Variants in GRID2 observed in about 807,000 individuals in gnomAD.
GRID2 encodes glutamate receptor ionotropic, delta-2.
Under a neutral mutation model 114.8 loss-of-function variants are expected in GRID2, and 33 were observed. That is an observed-to-expected ratio of 0.29 (90% CI 0.22 to 0.38). The LOEUF is 0.38. Among genes scored for constraint, GRID2 ranks in the 10% least tolerant of loss-of-function variants. The pLI is 1.00. For missense variants in GRID2, 1,184 were observed against 1,257.7 expected (o/e 0.94, Z 0.89); for synonymous variants, 505 against 449.9 (o/e 1.12, Z -1.55).
In GRID2 at chr4:92,854,553, ATGTGTG is replaced by A. The variant is rs3077718; in HGVS notation, c.245-230424_245-230419del. The stretch of plus-strand genomic sequence containing the variant: ...GTGATGTGTGTTTGTGTGAGTGAGG[ATGTGTG>A]TGTGTGTGTGTGTGTGTCTGTGTTT... On this transcript the variant is annotated intron_variant, in intron 2 of 15. Transcript: ENST00000282020. 6.1e-3 allele frequency among the ~76,000 whole-genome samples: 902 copies of A among 147,686 alleles called. 16 individuals carry two copies. The highest frequency in any genetic ancestry group is 0.021 in the African/African-American group (855 of 40,556).
intron 1 of GRID2, among the ~76,000 whole-genome samples, chr4:92,416,476 C>A (rs890478826): frequency 2.0e-5 from 3 of 152,076 alleles, no homozygotes; most frequent in African/African-American, 4.8e-5. Flanking sequence ...GAGCTCTTTG[C>A]CTAAGCCAAT....
At chr4:92,397,376 G>C (rs1270877440) in intron 1 of GRID2, among the ~76,000 whole-genome samples, 1 of 122,408 alleles carries the variant, frequency 8.2e-6, no homozygotes, top group East Asian at 3.5e-4. Flanking sequence ...GTGTGTGTGT[G>C]TGTGTGTGTT....
intron 1 of GRID2, among the ~76,000 whole-genome samples, chr4:92,486,517 G>A (rs1280303030): frequency 3.5e-5 from 5 of 141,408 alleles, no homozygotes; most frequent in Non-Finnish European, 7.7e-5. Context: ...AAAAAGTGAT[G>A]TAAAATAGCC....
At chr4:92,744,213 G>A (rs2149333622) in intron 2 of GRID2, among the ~76,000 whole-genome samples, 1 of 152,208 alleles carries the variant, frequency 6.6e-6, no homozygotes, top group Admixed American at 6.5e-5. Context: ...ATTCAGAGGG[G>A]CCAGGCACGG....
At chr4:93,807,937 T>C (rs1016400819) in exon 2 of GRID2, 3 of 151,954 alleles carry the variant, frequency 2.0e-5, no homozygotes, top group African/African-American at 7.3e-5. Flanking sequence ...AGGCTAACAA[T>C]GGCCATAAGT....
chr4:92,696,897 T>A (rs1380833124), intron 2 of GRID2, among the ~76,000 whole-genome samples: 1 of 152,164 alleles, frequency 6.6e-6, no homozygotes, highest in Non-Finnish European at 1.5e-5. Context: ...TATTTGACAT[T>A]CTTCTAATAG....
chr4:93,034,851 G>T (rs1001045373), intron 2 of GRID2, among the ~76,000 whole-genome samples: 1 of 152,074 alleles, frequency 6.6e-6, no homozygotes, highest in Non-Finnish European at 1.5e-5. Context: ...CTCAGTGGGG[G>T]TTAACTTCCG....
intron 1 of GRID2, among the ~76,000 whole-genome samples, chr4:92,376,102 T>TTA (rs1236494649): frequency 3.3e-5 from 5 of 151,494 alleles, no homozygotes; most frequent in Admixed American, 6.6e-5. Flanking sequence ...GGGGAAAAAA[T>TTA]TATATATATA....
intron 8 of GRID2, among the ~76,000 whole-genome samples, chr4:93,240,609 A>G (rs1044166510): frequency 1.4e-4 from 21 of 151,496 alleles, no homozygotes; most frequent in African/African-American, 5.1e-4. Context: ...TAGAGGAACT[A>G]TGAATTTTCA....
At chr4:93,084,898 T>TA (rs1381724835) in intron 2 of GRID2, 97 bp from the exon 3 acceptor site, 86 of 844,968 alleles carry the variant, frequency 1.0e-4, no homozygotes, top group South Asian at 8.4e-4. Flanking sequence ...CATAGCTATA[T>TA]AAAAAATCTG....
chr4:93,372,799 G>A (rs1010526758), intron 8 of GRID2, among the ~76,000 whole-genome samples: 1 of 152,156 alleles, frequency 6.6e-6, no homozygotes, highest in Admixed American at 6.5e-5. Context: ...TTATATGACT[G>A]TGAGAAGATA....
intron 14 of GRID2, among the ~76,000 whole-genome samples, chr4:93,745,223 TG>T (rs1731740756): frequency 2.0e-5 from 3 of 152,116 alleles, no homozygotes; most frequent in Admixed American, 1.3e-4. Context: ...GTAGGTTTTC[TG>T]GGGAAAAAAT....
chr4:93,322,209 A>G (rs1757304314), intron 8 of GRID2, among the ~76,000 whole-genome samples: 1 of 151,770 alleles, frequency 6.6e-6, no homozygotes, highest in Non-Finnish European at 1.5e-5. Flanking sequence ...CCCCCACCCA[A>G]CAACAGGCCC....
At chr4:93,547,942 C>T (rs769617093) in intron 13 of GRID2, among the ~76,000 whole-genome samples, 8 of 152,078 alleles carry the variant, frequency 5.3e-5, no homozygotes, top group Non-Finnish European at 1.2e-4. Context: ...TTTGGGAGCC[C>T]GAGGTGGCCA....
Position 93,713,099 on chromosome 4 carries a change from T to C in GRID2, c.2361-56111T>C, listed in dbSNP as rs533091764. Among the ~76,000 whole-genome samples, 188 of 152,214 alleles carry C rather than the reference T, an allele frequency of 1.2e-3. 1 individual carries two copies. The highest frequency in any genetic ancestry group is 2.1e-3 in the South Asian group (10 of 4,830). On this transcript the variant is annotated intron_variant, in intron 14 of 15. Transcript: ENST00000282020. ...GGGTTCTTGAAATGAGTTCAACTTA[T>C]TAAAATTTGGGAAATTCTTTCCAAA...
intron 1 of GRID2, among the ~76,000 whole-genome samples, chr4:92,313,047 C>A (rs934178278): frequency 2.0e-5 from 3 of 150,484 alleles, no homozygotes; most frequent in Non-Finnish European, 4.4e-5. Flanking sequence ...ACTCAAATGC[C>A]TGTCAAAGAA....
chr4:93,628,525 T>C (rs1305104189), intron 14 of GRID2, among the ~76,000 whole-genome samples: 6 of 152,028 alleles, frequency 3.9e-5, no homozygotes, highest in Admixed American at 3.9e-4. Context: ...AAGGAACAAA[T>C]AGAAGAGACC....
intron 2 of GRID2, among the ~76,000 whole-genome samples, chr4:92,930,833 T>A (rs1169800584): frequency 6.6e-6 from 1 of 151,076 alleles, no homozygotes; most frequent in Non-Finnish European, 1.5e-5. Flanking sequence ...AAAAATAAAA[T>A]AATTGAATAT....
intron 2 of GRID2, among the ~76,000 whole-genome samples, chr4:92,617,938 G>A (rs1349349): frequency 0.011 from 1,600 of 151,654 alleles, 33 homozygotes; most frequent in African/African-American, 0.035. Flanking sequence ...TGAGTAGTGT[G>A]CAAATATTTT....
Sources: allele counts gnomAD v4.1 joint callset (sites outside exome capture counted in the v4.1 genomes callset), GRCh38; gene constraint gnomAD v4.1.1; transcripts MANE v1.5; gene names NCBI Gene and HGNC (gene_info 2026-07-23, HGNC 2026-07-21).